Variants in L3MBTL1 observed in about 807,000 individuals in gnomAD.
The protein encoded by L3MBTL1 is lethal(3)malignant brain tumor-like protein 1.
In L3MBTL1, 75 loss-of-function variants were observed where a neutral mutation model predicts 105.3. That is an observed-to-expected ratio of 0.71 (90% CI 0.59 to 0.86). L3MBTL1 has a LOEUF of 0.86. Among genes scored for constraint, L3MBTL1 ranks in the 40% least tolerant of loss-of-function variants. L3MBTL1 has a pLI of 0.00. For missense variants in L3MBTL1, 1,069 were observed against 1,126.4 expected (o/e 0.95, Z 0.73); for synonymous variants, 452 against 436.2 (o/e 1.04, Z -0.45).
rs11475664 is a variant in L3MBTL1, at chr20:43,525,398, TAA to T, written c.863-3250_863-3249del. 2.5e-3 allele frequency among the ~76,000 whole-genome samples: 370 copies of T among 148,856 alleles called. 3 individuals carry two copies. Among genetic ancestry groups the T allele is most frequent in the African/African-American group, 8.9e-3 (361 of 40,666 alleles). Reference sequence around the variant, plus strand: ...AATATGGTACCTTTGTACAAGTTATTAAAAAAAAAAGCATCTCTCCAGGGCAG... The same window carrying T: ...AATATGGTACCTTTGTACAAGTTATTAAAAAAAAGCATCTCTCCAGGGCAG... On this transcript the variant is annotated intron_variant, in intron 7 of 21. Coordinates refer to ENST00000418998, the MANE Select transcript of L3MBTL1 (RefSeq NM_001377303.1).
At chr20:43,535,563 C>T (rs2019561434) in intron 16 of L3MBTL1, among the ~76,000 whole-genome samples, 1 of 152,212 alleles carries the variant, frequency 6.6e-6, no homozygotes, top group East Asian at 1.9e-4. Flanking sequence ...ACCCAACCAG[C>T]TCTGAGTGGC....
At chr20:43,549,410 C>A (rs1344388408) in exon 19 of L3MBTL1, 1 of 151,830 alleles carries the variant, frequency 6.6e-6, no homozygotes, top group Non-Finnish European at 1.5e-5. Context: ...GGAAGGTGAA[C>A]TTTTCTATCT....
At chr20:43,508,220 A>ATTTT in intron 1 of L3MBTL1, among the ~76,000 whole-genome samples, 1 of 149,448 alleles carries the variant, frequency 6.7e-6, no homozygotes. Flanking sequence ...CCATAAAGAG[A>ATTTT]AAGAATAAAA....
chr20:43,549,973 C>T (rs1600975985), exon 19 of L3MBTL1: 2 of 152,306 alleles, frequency 1.3e-5, no homozygotes, highest in African/African-American at 4.8e-5. Flanking sequence ...TGAGCTCCCA[C>T]AGGGCTTTAG....
chr20:43,549,919 A>G (rs935935998), exon 19 of L3MBTL1: 1 of 152,168 alleles, frequency 6.6e-6, no homozygotes, highest in Non-Finnish European at 1.5e-5. Flanking sequence ...TCTCTCTGCC[A>G]TGGGCTGGAC....
At chr20:43,526,502 G>C (rs552851650) in intron 7 of L3MBTL1, among the ~76,000 whole-genome samples, 126 of 152,316 alleles carry the variant, frequency 8.3e-4, no homozygotes, top group African/African-American at 3.0e-3. Flanking sequence ...ACAAAGGATA[G>C]CCGGAAGAGA....
rs1446345986 is a variant in L3MBTL1, at chr20:43,540,856, C to T, written c.2394+41C>T. On this transcript the variant is annotated intron_variant, in intron 21 of 21. Coordinates refer to ENST00000418998, the MANE Select transcript of L3MBTL1 (RefSeq NM_001377303.1). Reference sequence around the variant, plus strand: ...AGAGTGGGAGACAGAGCCGGGGTCACTGTCCTTAAGACGGCAGGAAGCAGG... The same window carrying T: ...AGAGTGGGAGACAGAGCCGGGGTCATTGTCCTTAAGACGGCAGGAAGCAGG... 1.4e-5 allele frequency: 23 copies of T among 1,613,220 alleles called. No individual in the cohort carries two copies. The South Asian group carries it at 2.3e-4, about 16-fold the overall frequency.
chr20:43,518,982 C>T (rs991510239), intron 7 of L3MBTL1, among the ~76,000 whole-genome samples: 4 of 147,388 alleles, frequency 2.7e-5, no homozygotes, highest in Non-Finnish European at 4.5e-5. Flanking sequence ...GCCGAGATTG[C>T]GCCACTGCAC....
intron 6 of L3MBTL1, chr20:43,515,655 TAGTC>T (rs1270717612): frequency 5.6e-6 from 3 of 533,692 alleles, no homozygotes; most frequent in Non-Finnish European, 9.9e-6. Flanking sequence ...GGTTAAGACA[TAGTC>T]AGGTGAACTA....
At chr20:43,532,949 C>T (rs1238792101) in intron 12 of L3MBTL1, 25 bp downstream of exon 12, 3 of 1,613,710 alleles carry the variant, frequency 1.9e-6, no homozygotes, top group Non-Finnish European at 2.5e-6. Flanking sequence ...CAGACTTGGC[C>T]TCAGGGGGTG....
intron 7 of L3MBTL1, among the ~76,000 whole-genome samples, chr20:43,527,453 G>A (rs2019091245): frequency 6.6e-6 from 1 of 152,180 alleles, no homozygotes; most frequent in South Asian, 2.1e-4. Context: ...AGGTTAGATT[G>A]AAGGTGCTGC....
chr20:43,515,224 A>G, intron 5 of L3MBTL1, 65 bp downstream of exon 5: 1 of 1,613,206 alleles, frequency 6.2e-7, no homozygotes, highest in Non-Finnish European at 8.5e-7. Context: ...ATTCCTGTTC[A>G]GGGGTTAGGA....
intron 13 of L3MBTL1, 104 bp from the exon 14 acceptor site, chr20:43,533,904 C>CTCCAAGGGCTTCTGTCCCT: frequency 1.2e-6 from 1 of 813,460 alleles, no homozygotes; most frequent in Non-Finnish European, 2.1e-6. Flanking sequence ...AGAGATTCTA[C>CTCCAAGGGCTTCTGTCCCT]TCCAAGGGCT....
intron 19 of L3MBTL1, chr20:43,539,511 A>G: frequency 6.0e-6 from 1 of 165,612 alleles, no homozygotes; most frequent in Non-Finnish European, 1.3e-5. Flanking sequence ...GCAGACCAGG[A>G]AGCAAAGCCA....
At chr20:43,525,338 T>C (rs182884450) in intron 7 of L3MBTL1, among the ~76,000 whole-genome samples, 141 of 152,174 alleles carry the variant, frequency 9.3e-4, no homozygotes, top group Admixed American at 5.2e-3. Flanking sequence ...GGAGCATTTC[T>C]GGAAGTGGAG....
intron 7 of L3MBTL1, among the ~76,000 whole-genome samples, chr20:43,518,851 CAAAAAAAAAA>C (rs34529936): frequency 7.2e-4 from 24 of 33,294 alleles, no homozygotes; most frequent in Admixed American, 1.4e-3. Flanking sequence ...ACTAAAAATA[CAAAAAAAAAA>C]AAAAAAAAAA....
At chr20:43,520,334 A>G (rs2018643462) in intron 7 of L3MBTL1, among the ~76,000 whole-genome samples, 1 of 152,194 alleles carries the variant, frequency 6.6e-6, no homozygotes, top group Non-Finnish European at 1.5e-5. Flanking sequence ...CTTTTGCGCT[A>G]TTATGAATAA....
In L3MBTL1 at chr20:43,513,557, A is replaced by G. The variant is rs1332883730; in HGVS notation, c.54A>G (p.Thr18=). 6.4e-7 allele frequency: 1 copy of G among 1,550,728 alleles called. No individual in the cohort carries two copies. The highest frequency in any genetic ancestry group is 1.2e-5 in the South Asian group (1 of 84,062). The change falls in exon 2 of 22, where the codon ACA becomes ACG. Residue 18 remains threonine (T), a synonymous_variant. Transcript: ENST00000418998. The part of the protein sequence containing the change: ...EMLRTLKGPS[T]GEVSMHLVAG... ...TGAGGACACTGAAGGGGCCTTCCAC[A>G]GGGGAGGTCAGCATGCACTTGGTGG... is the stretch of plus-strand genomic sequence containing the variant.
intron 11 of L3MBTL1, 78 bp from the exon 12 acceptor site, chr20:43,532,695 T>C: frequency 3.4e-6 from 5 of 1,487,544 alleles, no homozygotes; most frequent in Non-Finnish European, 4.6e-6. Flanking sequence ...GAGAACCTAT[T>C]CCTTTGTTTG....
Sources: gnomAD v4.1 joint callset for allele counts (sites outside exome capture counted in the v4.1 genomes callset) on GRCh38, gnomAD v4.1.1 for gene constraint, MANE v1.5 for transcripts, NCBI Gene and HGNC (gene_info 2026-07-23, HGNC 2026-07-21) for gene names.